Variants in MGST2 observed in about 807,000 individuals in gnomAD.
MGST2 encodes the protein glutathione peroxidase MGST2.
In MGST2, 9 loss-of-function variants were observed where a neutral mutation model predicts 16.6. That is an observed-to-expected ratio of 0.54 (90% CI 0.33 to 0.95). The LOEUF (loss-of-function observed/expected upper bound fraction) is 0.95. MGST2 is among the 40% of genes least tolerant of loss of function. The pLI, the probability that MGST2 is intolerant of heterozygous loss-of-function variation, is 0.03. For missense variants in MGST2, 159 were observed against 175.1 expected (o/e 0.91, Z 0.52); for synonymous variants, 79 against 68.0 (o/e 1.16, Z -0.79).
At chr4:139,701,776 C>T (rs1727262864) in intron 3 of MGST2, among the ~76,000 whole-genome samples, 1 of 151,570 alleles carries the variant, frequency 6.6e-6, no homozygotes, top group South Asian at 2.1e-4. Context: ...CCAGCCTAGG[C>T]AACATAGGGA....
At chr4:139,717,644 T>A (rs566625610) in intron 5 of MGST2, 1 of 152,728 alleles carries the variant, frequency 6.5e-6, no homozygotes, top group African/African-American at 2.4e-5. Context: ...CAGCTTTCCA[T>A]GGCAACTCGC....
intron 5 of MGST2, chr4:139,719,496 G>C: frequency 6.2e-7 from 1 of 1,614,002 alleles, no homozygotes; most frequent in Non-Finnish European, 8.5e-7. Flanking sequence ...TCATAGGCTT[G>C]GCTCTGGCTG....
At position 139,697,302 on chromosome 4, in the gene MGST2, G is replaced by A. The variant is rs8192107; in HGVS notation, c.229+2035G>A. Among the ~76,000 whole-genome samples, 502 of 152,226 alleles carry A rather than the reference G, an allele frequency of 3.3e-3. 3 individuals carry two copies. The highest frequency in any genetic ancestry group is 0.012 in the African/African-American group (482 of 41,532). The stretch of plus-strand genomic sequence containing the variant: ...TTCTTTACTAATAAATGTCCTTTGT[G>A]ACTTTTTTTTTCTCCCCCGGGACAG... On this transcript the variant is annotated intron_variant, in intron 3 of 4. Transcript: ENST00000265498.
the MGST2 span, among the ~76,000 whole-genome samples, chr4:139,746,255 C>G: frequency 1.3e-5 from 2 of 152,100 alleles, no homozygotes; most frequent in African/African-American, 4.8e-5. Context: ...CCTTTTAAAT[C>G]TGAACTAGAG....
intron 5 of MGST2, among the ~76,000 whole-genome samples, chr4:139,713,188 C>A (rs957787596): frequency 3.3e-5 from 5 of 152,156 alleles, no homozygotes; most frequent in African/African-American, 1.2e-4. Flanking sequence ...TATTTCACAG[C>A]AAAGCTGTCT....
chr4:139,665,848 C>CT lies in MGST2; in HGVS notation c.-171dup. On this transcript the variant is annotated 5_prime_UTR_variant, in exon 1 of 5. Transcript: ENST00000265498. ...AGATCTGTGACCGGCAGCCCCAGAC[C>CT]TGCCTGCCTTCCTGACTTCTGTTCC... 1 of 703,914 alleles carries CT rather than the reference C, an allele frequency of 1.4e-6. No homozygotes were observed. Among genetic ancestry groups the CT allele is most frequent in the South Asian group, 1.6e-5 (1 of 63,806 alleles). The allele number at this position is 703,914 out of a possible 1,614,324, so 43.6% of individuals were successfully genotyped here. A position where few individuals can be genotyped will look rare whatever the true frequency, so the allele number is the denominator to read the frequency against.
intron 5 of MGST2, among the ~76,000 whole-genome samples, chr4:139,729,275 C>T (rs998558746): frequency 2.6e-5 from 4 of 151,706 alleles, no homozygotes; most frequent in African/African-American, 9.7e-5. Flanking sequence ...ATAGGGACCT[C>T]CATGGGCCCG....
chr4:139,680,602 C>T (rs890341908), intron 2 of MGST2, among the ~76,000 whole-genome samples: 5 of 147,746 alleles, frequency 3.4e-5, no homozygotes, highest in African/African-American at 1.3e-4. Flanking sequence ...TCCTGTTTTC[C>T]TGTTTATTGG....
the MGST2 span, among the ~76,000 whole-genome samples, chr4:139,754,539 T>C: frequency 6.6e-6 from 1 of 152,266 alleles, no homozygotes; most frequent in African/African-American, 2.4e-5. Flanking sequence ...CACTACTTTA[T>C]GCTGAAATGA....
At chr4:139,684,730 T>C (rs915241774) in intron 2 of MGST2, among the ~76,000 whole-genome samples, 5 of 152,222 alleles carry the variant, frequency 3.3e-5, no homozygotes, top group African/African-American at 1.2e-4. Flanking sequence ...TAGGCCTGAC[T>C]TTTGAGAGTG....
At chr4:139,718,132 AC>A in intron 5 of MGST2, 1 of 152,092 alleles carries the variant, frequency 6.6e-6, no homozygotes, top group South Asian at 2.1e-4. Context: ...TGAACCAGTG[AC>A]CTCCAGGCCA....
chr4:139,700,459 T>C (rs1448519667), intron 3 of MGST2, among the ~76,000 whole-genome samples: 1 of 152,170 alleles, frequency 6.6e-6, no homozygotes, highest in Non-Finnish European at 1.5e-5. Context: ...GTTTTATGCA[T>C]ACATTGTCCC....
chr4:139,750,486 T>C, the MGST2 span, among the ~76,000 whole-genome samples: 1 of 152,214 alleles, frequency 6.6e-6, no homozygotes, highest in East Asian at 1.9e-4. Flanking sequence ...TTCTTCTCTT[T>C]GTTCCTTGGA....
At chr4:139,754,258 T>TAAATATTCTTTAA in the MGST2 span, among the ~76,000 whole-genome samples, 1 of 152,260 alleles carries the variant, frequency 6.6e-6, no homozygotes, top group Non-Finnish European at 1.5e-5. Context: ...ATCACATGTT[T>TAAATATTCTTTAA]ATGTTCTTAT....
At chr4:139,752,505 C>A in the MGST2 span, among the ~76,000 whole-genome samples, 9,306 of 152,150 alleles carry the variant, frequency 0.061, 472 homozygotes, top group Admixed American at 0.14. Context: ...CACTCCCCAC[C>A]GTCTTCTTTG....
At chr4:139,711,613 T>C (rs2110927940) in intron 5 of MGST2, among the ~76,000 whole-genome samples, 1 of 152,310 alleles carries the variant, frequency 6.6e-6, no homozygotes, top group South Asian at 2.1e-4. Flanking sequence ...TTGGTTTTGC[T>C]GGATTTTGGC....
chr4:139,723,736 C>T (rs1365324709), intron 5 of MGST2, among the ~76,000 whole-genome samples: 1 of 152,086 alleles, frequency 6.6e-6, no homozygotes, highest in African/African-American at 2.4e-5. Context: ...GAGTTATGAA[C>T]CTGGAAAACT....
intron 1 of MGST2, among the ~76,000 whole-genome samples, chr4:139,672,445 A>C (rs1342950087): frequency 6.6e-6 from 1 of 152,086 alleles, no homozygotes; most frequent in Non-Finnish European, 1.5e-5. Context: ...GCCTTTCCAG[A>C]TTGATGCTGC....
exon 6 of MGST2, chr4:139,740,445 T>G (rs1248176407): frequency 1.3e-5 from 2 of 151,908 alleles, no homozygotes; most frequent in Non-Finnish European, 2.9e-5. Flanking sequence ...CTCCATTAGG[T>G]TTTTTTTACC....
Sources: gnomAD v4.1 joint callset for allele counts (sites outside exome capture counted in the v4.1 genomes callset) on GRCh38, gnomAD v4.1.1 for gene constraint, MANE v1.5 for transcripts, NCBI Gene and HGNC (gene_info 2026-07-23, HGNC 2026-07-21) for gene names.